Variants in ATP8B2 observed in about 807,000 individuals in gnomAD.
The protein encoded by ATP8B2 is ATPase phospholipid transporting 8B2, also known as phospholipid-transporting ATPase ID.
Under a neutral mutation model 133.4 loss-of-function variants are expected in ATP8B2, and 70 were observed. That is an observed-to-expected ratio of 0.52 (90% confidence interval 0.43 to 0.64). ATP8B2 has a LOEUF of 0.64. Among genes scored for constraint, ATP8B2 ranks in the 30% least tolerant of loss-of-function variants. The pLI, the probability that ATP8B2 is intolerant of heterozygous loss-of-function variation, is 0.00. For synonymous variants in ATP8B2, 517 were observed against 589.5 expected, an observed-to-expected ratio of 0.88 and a Z score of 1.78; for missense variants, 1,101 against 1,535.7, an observed-to-expected ratio of 0.72 and a Z score of 4.73.
In ATP8B2 at chr1:154,334,186, T is replaced by G. The variant is rs1413312778; in HGVS notation, c.669T>G (p.Pro223=). The G allele has an allele frequency of 3.1e-6, 5 of 1,614,056 alleles. No homozygotes were observed. The highest frequency in any genetic ancestry group is 1.3e-5 in the African/African-American group (1 of 74,920). ...TCTACTGGAAGGAAAATAAGTTCCC[T>G]CTGAGCAACCAGAACATGCTGCTGC... ...GTLYWKENKF[P]LSNQNMLLRG... Residue 223 remains proline, a synonymous_variant, in exon 10 of 28, where the codon CCT becomes CCG. Transcript: ENST00000368489. The surrounding 1 kb of genome is among the most constrained non-coding windows in gnomAD (Gnocchi z 4.6).
intron 1 of ATP8B2, among the ~76,000 whole-genome samples, chr1:154,326,254 A>C (rs766905428): frequency 1.3e-5 from 2 of 152,154 alleles, no homozygotes; most frequent in Non-Finnish European, 2.9e-5. Flanking sequence ...GTTGGTGGCC[A>C]GTGAGCTGGA....
intron 1 of ATP8B2, among the ~76,000 whole-genome samples, chr1:154,326,044 G>A (rs1685779734): frequency 6.6e-6 from 1 of 152,208 alleles, no homozygotes; most frequent in African/African-American, 2.4e-5. Context: ...GAGAGTTGTT[G>A]GGCGAGAGGA....
At chr1:154,327,885 G>GC (rs746253671) in intron 1 of ATP8B2, 34 of 1,607,578 alleles carry the variant, frequency 2.1e-5, no homozygotes, top group African/African-American at 1.6e-4. Flanking sequence ...TAAAGTCTCA[G>GC]CCCCCCATGT....
At position 154,346,846 on chromosome 1, in the gene ATP8B2, T is replaced by C; in HGVS notation, c.3163+88T>C. On this transcript the variant is annotated intron_variant, in intron 26 of 27. Transcript: ENST00000368489. This position sits in a 1 kb window ranked among gnomAD's most constrained non-coding sequence, Gnocchi z 4.5. ...CATCAGCTAATCTGCACATTCAACA[T>C]TTCTTATGTGCCAAGTATTCTGTTT... 7.1e-7 allele frequency: 1 copy of C among 1,404,954 alleles called. No individual in the cohort carries two copies. Among genetic ancestry groups the C allele is most frequent in the Non-Finnish European group, 9.8e-7 (1 of 1,024,134 alleles). The allele number at this position is 1,404,954 out of a possible 1,614,324, so 87.0% of individuals were successfully genotyped here.
Position 154,345,359 on chromosome 1 carries a change from G to A in ATP8B2, c.2508G>A (p.Gly836=). 6.2e-7 allele frequency: 1 copy of A among 1,614,178 alleles called. No homozygotes were observed. Among genetic ancestry groups the A allele is most frequent in the African/African-American group, 1.3e-5 (1 of 75,052 alleles). ...GTGTGGGGATCAGTGGGCAGGAAGGGATCCAGGCTGTCTTGGCCTCCGATT... is the reference window on the plus strand; with the variant it reads ...GTGTGGGGATCAGTGGGCAGGAAGGAATCCAGGCTGTCTTGGCCTCCGATT... ...HIGVGISGQE[G]IQAVLASDYS... is the part of the protein sequence containing the mutation. Residue 836 remains glycine (G), a synonymous_variant, in exon 23 of 28, where the codon GGG becomes GGA. Coordinates refer to ENST00000368489, the MANE Select transcript of ATP8B2 (RefSeq NM_001370597.1). The surrounding 1 kb of genome is among the most constrained non-coding windows in gnomAD (Gnocchi z 5.6).
rs1422991318 is a variant in ATP8B2, at chr1:154,348,513, A to C, written c.3269A>C (p.Asn1090Thr). The change falls in exon 27 of 28, where the codon AAC (asparagine) becomes ACC (threonine). Residue 1090 changes from asparagine (N) to threonine (T), a missense_variant. Transcript: ENST00000368489. The part of the protein sequence containing the change: ...PVVAFRFLRL[N>T]LKPDLSDTVR... The stretch of plus-strand genomic sequence containing the variant: ...GTTGCCTTCCGATTCCTCAGGCTCA[A>C]CCTGAAGCCGGATCTCTCCGACACG... 3 of 1,613,982 alleles carry C rather than the reference A, an allele frequency of 1.9e-6. No homozygotes were observed. Among genetic ancestry groups the C allele is most frequent in the Non-Finnish European group, 1.7e-6 (2 of 1,180,004 alleles).
chr1:154,343,910 G>A lies in ATP8B2; in HGVS notation c.1776G>A (p.Gly592=). 6.2e-7 allele frequency: 1 copy of A among 1,612,482 alleles called. No homozygotes were observed. The highest frequency in any genetic ancestry group is 8.5e-7 in the Non-Finnish European group (1 of 1,179,256). ...GCCTCCAGGAGTACGCAGGGGAAGG[G>A]CTGAGGACCCTGGTGCTGGCCTACA... The part of the protein sequence containing the change: ...MDHLNEYAGE[G]LRTLVLAYKD... The change falls in exon 18 of 28, where the codon GGG becomes GGA. Residue 592 remains glycine, a synonymous_variant. Coordinates refer to ENST00000368489, the MANE Select transcript of ATP8B2 (RefSeq NM_001370597.1). The surrounding 1 kb of genome is among the most constrained non-coding windows in gnomAD (Gnocchi z 5.8).
intron 1 of ATP8B2, chr1:154,327,736 T>C (rs553745420): frequency 6.5e-7 from 1 of 1,529,910 alleles, no homozygotes; most frequent in Admixed American, 1.7e-5. Context: ...GGAAACTGCT[T>C]TCTAGTAAGC....
chr1:154,340,821 C>T lies in ATP8B2; in HGVS notation c.1035-33C>T, dbSNP rs2297608. On this transcript the variant is annotated intron_variant, in intron 12 of 27. Transcript: ENST00000368489. This position sits in a 1 kb window ranked among gnomAD's most constrained non-coding sequence, Gnocchi z 4.0. ...TGGGTGGGGCACCTCCTCTTCTTCC[C>T]GACCCAAGCCTCACCTCTTGTCCCC... 2.5e-4 allele frequency: 400 copies of T among 1,607,176 alleles called. 6 individuals carry two copies. The East Asian group carries it at 7.2e-3, about 29-fold the overall frequency.
Position 154,334,279 on chromosome 1 carries a change from C to T in ATP8B2, c.748+14C>T. The stretch of plus-strand genomic sequence containing the variant: ...TCATCTTTGCAGGTGAGCCTCCTAG[C>T]ATCCAAAGAAAGAAGGGTAAGAGTG... On this transcript the variant is annotated intron_variant, in intron 10 of 27. Transcript: ENST00000368489. This position sits in a 1 kb window ranked among gnomAD's most constrained non-coding sequence, Gnocchi z 4.6. 1 of 1,612,844 alleles carries T rather than the reference C, an allele frequency of 6.2e-7. No homozygotes were observed. Among genetic ancestry groups the T allele is most frequent in the Non-Finnish European group, 8.5e-7 (1 of 1,179,000 alleles).
chr1:154,335,744 A>G (rs533197390), intron 11 of ATP8B2, among the ~76,000 whole-genome samples: 1 of 151,534 alleles, frequency 6.6e-6, no homozygotes, highest in Admixed American at 6.6e-5. Flanking sequence ...TTTAAAAAAA[A>G]AAAAGGCAAT....
chr1:154,327,938 C>T (rs1421187555), intron 1 of ATP8B2, 167 bp from the exon 2 acceptor site: 4 of 1,551,352 alleles, frequency 2.6e-6, no homozygotes, highest in East Asian at 4.5e-5. Context: ...GGGAAGTCCC[C>T]TCTTTCCCAG....
At chr1:154,347,653 A>G (rs1160105699) in intron 26 of ATP8B2, among the ~76,000 whole-genome samples, 1 of 151,990 alleles carries the variant, frequency 6.6e-6, no homozygotes, top group East Asian at 1.9e-4. Flanking sequence ...GAAAATGGAA[A>G]CAACAGGCCG....
In ATP8B2 at chr1:154,340,836, C is replaced by T. The variant is rs1291922330; in HGVS notation, c.1035-18C>T. 4 of 1,613,338 alleles carry T rather than the reference C, an allele frequency of 2.5e-6. No individual in the cohort carries two copies. The African/African-American group carries it at 4.0e-5, about 16-fold the overall frequency. On this transcript the variant is annotated intron_variant, in intron 12 of 27. Transcript: ENST00000368489. This position sits in a 1 kb window ranked among gnomAD's most constrained non-coding sequence, Gnocchi z 4.0. ...CTCTTCTTCCCGACCCAAGCCTCAC[C>T]TCTTGTCCCCTGTGCAGTGTGGAGG...
In ATP8B2 at chr1:154,331,928, G is replaced by A; in HGVS notation, c.439-26G>A. 1 of 1,604,428 alleles carries A rather than the reference G, an allele frequency of 6.2e-7. No homozygotes were observed. Reference sequence around the variant, plus strand: ...CTGGGGGTGGAGGTTTGCATATTTGGACTTCTCATTAGTTTTTCTCTCTAG... The same window carrying A: ...CTGGGGGTGGAGGTTTGCATATTTGAACTTCTCATTAGTTTTTCTCTCTAG... On this transcript the variant is annotated intron_variant, in intron 7 of 27. Transcript: ENST00000368489. The surrounding 1 kb of genome is among the most constrained non-coding windows in gnomAD (Gnocchi z 4.8).
chr1:154,342,048 G>A (rs1204386954), intron 13 of ATP8B2, among the ~76,000 whole-genome samples: 1 of 152,174 alleles, frequency 6.6e-6, no homozygotes, highest in Non-Finnish European at 1.5e-5. Context: ...ATGGCCTGGG[G>A]CAGCATGTGG....
Position 154,345,383 on chromosome 1 carries a change from T to G in ATP8B2, c.2532T>G (p.Asp844Glu). 1 of 1,614,228 alleles carries G rather than the reference T, an allele frequency of 6.2e-7. No individual in the cohort carries two copies. Among genetic ancestry groups the G allele is most frequent in the Admixed American group, 1.7e-5 (1 of 60,022 alleles). ...QEGIQAVLAS[D>E]YSFSQFKFLQ... ...GGATCCAGGCTGTCTTGGCCTCCGATTACTCCTTCTCCCAGTTCAAGTTCC... is the reference window on the plus strand; with the variant it reads ...GGATCCAGGCTGTCTTGGCCTCCGAGTACTCCTTCTCCCAGTTCAAGTTCC... The change falls in exon 23 of 28, where the codon GAT becomes GAG. Residue 844 changes from aspartate to glutamate, a missense_variant. Asp to Glu is a conservative substitution (Grantham distance 45, BLOSUM62 2). Coordinates refer to ENST00000368489, the MANE Select transcript of ATP8B2 (RefSeq NM_001370597.1). This position sits in a 1 kb window ranked among gnomAD's most constrained non-coding sequence, Gnocchi z 5.6.
chr1:154,346,088 G>A lies in ATP8B2; in HGVS notation c.2779-143G>A, dbSNP rs1194585. 566,506 of 1,252,374 alleles carry A rather than the reference G, an allele frequency of 0.45. 132,874 individuals carry two copies. The highest frequency in any genetic ancestry group is 0.6 in the East Asian group (25,866 of 42,932). 77.6% of individuals were successfully genotyped at this position (1,252,374 alleles called of 1,614,324 possible). ...GGGTTGCTGAACTAAGTTAGTCTGG[G>A]GGTAGCTGGCTTGAGGTTGGTTCTA... is the stretch of plus-strand genomic sequence containing the variant. On this transcript the variant is annotated intron_variant, in intron 24 of 27. Coordinates refer to ENST00000368489, the MANE Select transcript of ATP8B2 (RefSeq NM_001370597.1). The surrounding 1 kb of genome is among the most constrained non-coding windows in gnomAD (Gnocchi z 4.5).
chr1:154,327,060 G>A lies in ATP8B2; in HGVS notation c.-37-1045G>A, dbSNP rs545878982. Among the ~76,000 whole-genome samples, 13 of 152,364 alleles carry A rather than the reference G, an allele frequency of 8.5e-5. No individual in the cohort carries two copies. In the South Asian group the frequency reaches 2.7e-3, roughly 32 times the overall value. ...GTGTAAGGGCGGGATCTGAGCTAGC[G>A]AAGGGAGAACTGGTGTGGGTGACTG... On this transcript the variant is annotated intron_variant, in intron 1 of 27. Coordinates refer to ENST00000368489, the MANE Select transcript of ATP8B2 (RefSeq NM_001370597.1).
Sources: allele counts gnomAD v4.1 joint callset (sites outside exome capture counted in the v4.1 genomes callset), GRCh38; gene constraint gnomAD v4.1.1; non-coding constraint Gnocchi (gnomAD v3.1); transcripts MANE v1.5; gene names NCBI Gene and HGNC (gene_info 2026-07-23, HGNC 2026-07-21).